The following PABPC4L variants were observed in gnomAD, a reference collection of about 807,000 sequenced individuals.
The protein encoded by PABPC4L is poly(A) binding protein cytoplasmic 4 like, also known as polyadenylate-binding protein 4-like.
For missense variants in PABPC4L, 452 were observed against 451.4 expected, an observed-to-expected ratio of 1.00 and a Z score of -0.01; for synonymous variants, 169 against 164.1, an observed-to-expected ratio of 1.03 and a Z score of -0.23.
downstream of PABPC4L, among the ~76,000 whole-genome samples, chr4:134,193,020 C>T (rs569064681): frequency 6.6e-6 from 1 of 152,000 alleles, no homozygotes; most frequent in African/African-American, 2.4e-5. Flanking sequence ...ACCTCTTTAA[C>T]ATAAGTTCTA....
the PABPC4L span, among the ~76,000 whole-genome samples, chr4:134,148,136 G>A: frequency 6.6e-6 from 1 of 152,142 alleles, no homozygotes; most frequent in African/African-American, 2.4e-5. Flanking sequence ...CAAGTCCTCA[G>A]ACACAGAAAC....
chr4:133,984,765 T>C, the PABPC4L span, among the ~76,000 whole-genome samples: 1 of 151,838 alleles, frequency 6.6e-6, no homozygotes, highest in African/African-American at 2.4e-5. Flanking sequence ...TTACACCCCA[T>C]AGAGATTTAA....
At chr4:134,114,694 A>C in the PABPC4L span, among the ~76,000 whole-genome samples, 28 of 151,918 alleles carry the variant, frequency 1.8e-4, no homozygotes, top group African/African-American at 6.7e-4. Flanking sequence ...GGACGGGTGA[A>C]TGTGTCTTTC....
chr4:134,003,019 C>T, the PABPC4L span, among the ~76,000 whole-genome samples: 1 of 151,868 alleles, frequency 6.6e-6, no homozygotes, highest in Non-Finnish European at 1.5e-5. Flanking sequence ...ATTGCACCTG[C>T]TTCAGAGGTA....
chr4:134,164,018 C>T, the PABPC4L span, among the ~76,000 whole-genome samples: 2 of 151,818 alleles, frequency 1.3e-5, no homozygotes, highest in Admixed American at 6.6e-5. Context: ...AATCCCAGCA[C>T]TTTGGGAGGC....
chr4:133,995,497 A>G, the PABPC4L span, among the ~76,000 whole-genome samples: 4 of 152,292 alleles, frequency 2.6e-5, no homozygotes, highest in African/African-American at 7.2e-5. Context: ...CAACAATAAG[A>G]TATCAGCGGC....
At chr4:133,993,353 T>C in the PABPC4L span, among the ~76,000 whole-genome samples, 3 of 152,154 alleles carry the variant, frequency 2.0e-5, no homozygotes, top group South Asian at 6.2e-4. Flanking sequence ...ACAAAATTGT[T>C]GAAACTGTGA....
the PABPC4L span, among the ~76,000 whole-genome samples, chr4:134,045,997 C>T: frequency 6.6e-6 from 1 of 152,114 alleles, no homozygotes; most frequent in East Asian, 1.9e-4. Flanking sequence ...TGAAGGGGGC[C>T]AGCACCTCCA....
chr4:134,151,683 AG>A, the PABPC4L span, among the ~76,000 whole-genome samples: 1 of 152,052 alleles, frequency 6.6e-6, no homozygotes, highest in African/African-American at 2.4e-5. Context: ...CTCAAAATAA[AG>A]AGAATAGAAT....
the PABPC4L span, among the ~76,000 whole-genome samples, chr4:133,980,610 G>A: frequency 1.3e-5 from 2 of 152,082 alleles, no homozygotes; most frequent in Non-Finnish European, 2.9e-5. Flanking sequence ...CAAACATGTT[G>A]GTCACCCCAT....
chr4:134,148,562 C>G, the PABPC4L span, among the ~76,000 whole-genome samples: 2 of 152,070 alleles, frequency 1.3e-5, no homozygotes, highest in Admixed American at 6.6e-5. Context: ...ATTATACTTT[C>G]ATGCCTGAAG....
At chr4:134,017,402 A>T in the PABPC4L span, among the ~76,000 whole-genome samples, 1 of 151,918 alleles carries the variant, frequency 6.6e-6, no homozygotes, top group African/African-American at 2.4e-5. Context: ...TGCCCCAAAA[A>T]ACTTGTCATC....
At chr4:134,063,440 T>G in the PABPC4L span, among the ~76,000 whole-genome samples, 4 of 152,082 alleles carry the variant, frequency 2.6e-5, no homozygotes, top group African/African-American at 9.7e-5. Flanking sequence ...GGGCACCGTA[T>G]GCTGAGGGGC....
the PABPC4L span, among the ~76,000 whole-genome samples, chr4:134,047,028 GAC>G: frequency 3.3e-5 from 5 of 152,130 alleles, no homozygotes; most frequent in African/African-American, 1.2e-4. Context: ...GACAATCTGT[GAC>G]AGAATTAAAG....
chr4:134,164,165 A>G, the PABPC4L span, among the ~76,000 whole-genome samples: 1 of 142,034 alleles, frequency 7.0e-6, no homozygotes, highest in African/African-American at 2.6e-5. Context: ...TGGGAGGCTG[A>G]GGCAGGAGAA....
chr4:134,059,459 TACAC>T, the PABPC4L span, among the ~76,000 whole-genome samples: 3 of 150,384 alleles, frequency 2.0e-5, no homozygotes, highest in Non-Finnish European at 4.4e-5. Context: ...CATGTACACA[TACAC>T]ACACATTATT....
chr4:133,950,975 A>C, the PABPC4L span, among the ~76,000 whole-genome samples: 1 of 152,196 alleles, frequency 6.6e-6, no homozygotes, highest in Non-Finnish European at 1.5e-5. Flanking sequence ...AGTATACATA[A>C]TGCTGTCTTG....
chr4:134,013,185 C>T, the PABPC4L span, among the ~76,000 whole-genome samples: 116 of 152,124 alleles, frequency 7.6e-4, no homozygotes, highest in Non-Finnish European at 1.2e-3. Flanking sequence ...AACCCCTTCT[C>T]CTTCACCCTT....
At chr4:134,144,258 A>C in the PABPC4L span, among the ~76,000 whole-genome samples, 1 of 151,604 alleles carries the variant, frequency 6.6e-6, no homozygotes, top group Non-Finnish European at 1.5e-5. Context: ...GTTCAACTGA[A>C]CAATTGTGGT....
Sources: allele counts gnomAD v4.1 joint callset (sites outside exome capture counted in the v4.1 genomes callset), GRCh38; gene constraint gnomAD v4.1.1; transcripts MANE v1.5; gene names NCBI Gene and HGNC (gene_info 2026-07-23, HGNC 2026-07-21).